The following FRMD4A variants were observed in gnomAD, a reference collection of about 807,000 sequenced individuals.
The protein encoded by FRMD4A is FERM domain containing 4A.
Under a neutral mutation model 129.1 loss-of-function variants are expected in FRMD4A, and 29 were observed. That is an observed-to-expected ratio of 0.22 (90% CI 0.17 to 0.31). The LOEUF (loss-of-function observed/expected upper bound fraction) is 0.31. FRMD4A is among the 10% of genes least tolerant of loss of function. FRMD4A has a pLI of 1.00. For missense variants in FRMD4A, 1,272 were observed against 1,375.8 expected, an observed-to-expected ratio of 0.92 and a Z score of 1.19; for synonymous variants, 634 against 571.6, an observed-to-expected ratio of 1.11 and a Z score of -1.56.
chr10:13,819,696 C>T (rs926258470), intron 3 of FRMD4A, among the ~76,000 whole-genome samples: 10 of 145,292 alleles, frequency 6.9e-5, no homozygotes, highest in Non-Finnish European at 1.2e-4. Context: ...ATTATATTGT[C>T]TCCTTTTTTT....
At chr10:14,292,242 G>A (rs1009873434) in intron 2 of FRMD4A, among the ~76,000 whole-genome samples, 6 of 152,200 alleles carry the variant, frequency 3.9e-5, no homozygotes, top group African/African-American at 1.2e-4. Context: ...CAGATCTCAT[G>A]CATTTTATGA....
intron 2 of FRMD4A, among the ~76,000 whole-genome samples, chr10:14,081,627 A>G (rs1386327538): frequency 6.6e-6 from 1 of 152,222 alleles, no homozygotes; most frequent in African/African-American, 2.4e-5. Context: ...ATCATCCAAT[A>G]ATCATAATAA....
At chr10:13,738,883 A>C (rs551364590) in intron 11 of FRMD4A, among the ~76,000 whole-genome samples, 131 of 152,294 alleles carry the variant, frequency 8.6e-4, no homozygotes, top group African/African-American at 3.1e-3. Context: ...GGCCTCCCAA[A>C]GTGCTGGGAT....
intron 12 of FRMD4A, 176 bp from the exon 13 acceptor site, chr10:13,707,289 G>C: frequency 1.2e-6 from 1 of 861,814 alleles, no homozygotes; most frequent in Non-Finnish European, 1.6e-6. Flanking sequence ...CACACACGCA[G>C]CTCTCCAGTT....
chr10:14,029,439 C>T (rs1413428750), intron 2 of FRMD4A, among the ~76,000 whole-genome samples: 1 of 151,984 alleles, frequency 6.6e-6, no homozygotes, highest in Non-Finnish European at 1.5e-5. Flanking sequence ...AGGTTCTTGC[C>T]TCAACTAGAT....
At chr10:13,685,589 A>G (rs1283391514) in intron 15 of FRMD4A, 1 of 982,060 alleles carries the variant, frequency 1.0e-6, no homozygotes, top group East Asian at 1.1e-4. Flanking sequence ...CTCCCAGCAA[A>G]GGAGCACTGC....
intron 2 of FRMD4A, among the ~76,000 whole-genome samples, chr10:13,994,801 G>A (rs150153897): frequency 2.6e-5 from 4 of 152,242 alleles, no homozygotes; most frequent in African/African-American, 7.2e-5. Flanking sequence ...TGGTTTTCCC[G>A]TGGCACAGCT....
intron 2 of FRMD4A, among the ~76,000 whole-genome samples, chr10:14,328,391 GC>G (rs1329402885): frequency 7.1e-6 from 1 of 140,604 alleles, no homozygotes; most frequent in Admixed American, 7.1e-5. Flanking sequence ...GTGTATAACA[GC>G]AGAAATGGAT....
intron 2 of FRMD4A, among the ~76,000 whole-genome samples, chr10:14,195,289 G>C (rs1291232209): frequency 6.6e-6 from 1 of 152,130 alleles, no homozygotes; most frequent in East Asian, 1.9e-4. Context: ...GCAAGAACCA[G>C]AAACCGAAGC....
chr10:14,100,827 G>A (rs1338221414), intron 2 of FRMD4A, among the ~76,000 whole-genome samples: 2 of 151,996 alleles, frequency 1.3e-5, no homozygotes, highest in Non-Finnish European at 2.9e-5. Flanking sequence ...AATATCTAAG[G>A]GAAAATCAAT....
chr10:13,997,286 A>C (rs187494077), intron 2 of FRMD4A, among the ~76,000 whole-genome samples: 1 of 151,828 alleles, frequency 6.6e-6, no homozygotes, highest in African/African-American at 2.4e-5. Context: ...GAGAAAACTC[A>C]CTCTTGGCCT....
At chr10:14,155,044 A>G (rs1173781214) in intron 2 of FRMD4A, among the ~76,000 whole-genome samples, 1 of 152,222 alleles carries the variant, frequency 6.6e-6, no homozygotes, top group Non-Finnish European at 1.5e-5. Context: ...TCATCCCAGC[A>G]CTTTGGGGAG....
In FRMD4A at chr10:13,707,065, ACTT is replaced by A. The variant is rs778271676; in HGVS notation, c.805_807del (p.Lys269del). 1 of 1,594,602 alleles carries A rather than the reference ACTT, an allele frequency of 6.3e-7. No individual in the cohort carries two copies. The highest frequency in any genetic ancestry group is 8.6e-7 in the Non-Finnish European group (1 of 1,162,322). ...CGTGGGTCATGAACTTCCACGGAAA[ACTT>A]CTTTTCTCTGAAGTACAGGTTTTCC... On this transcript the variant is annotated inframe_deletion, in exon 13 of 25. Coordinates refer to ENST00000357447, the MANE Select transcript of FRMD4A (RefSeq NM_018027.5).
chr10:13,890,935 G>C (rs988980421), intron 2 of FRMD4A: 1 of 850,650 alleles, frequency 1.2e-6, no homozygotes, highest in Non-Finnish European at 1.4e-6. Flanking sequence ...CAGGGTACTG[G>C]AGAAAAAGGC....
intron 12 of FRMD4A, among the ~76,000 whole-genome samples, chr10:13,725,761 G>A (rs530845441): frequency 2.0e-5 from 3 of 152,326 alleles, no homozygotes; most frequent in African/African-American, 4.8e-5. Context: ...ACAAAGAGAC[G>A]TTGTTTGCTT....
chr10:14,031,021 T>G (rs576001933), intron 2 of FRMD4A, among the ~76,000 whole-genome samples: 1 of 152,238 alleles, frequency 6.6e-6, no homozygotes, highest in African/African-American at 2.4e-5. Context: ...ACCCTGAACT[T>G]ATGATGGGGT....
At chr10:14,020,445 A>G (rs184128023) in intron 2 of FRMD4A, among the ~76,000 whole-genome samples, 1 of 152,318 alleles carries the variant, frequency 6.6e-6, no homozygotes, top group Admixed American at 6.5e-5. Flanking sequence ...CTATAGAGGA[A>G]ACCCAAGGCT....
intron 2 of FRMD4A, among the ~76,000 whole-genome samples, chr10:14,156,097 T>C (rs976431975): frequency 1.3e-5 from 2 of 152,206 alleles, no homozygotes; most frequent in Non-Finnish European, 2.9e-5. Context: ...GTCATAGCAG[T>C]ATTGTTTGTA....
At chr10:14,242,591 A>C (rs533267901) in intron 2 of FRMD4A, among the ~76,000 whole-genome samples, 2 of 152,364 alleles carry the variant, frequency 1.3e-5, no homozygotes, top group African/African-American at 4.8e-5. Context: ...CTATGCCTCT[A>C]GTGCATGACC....
Sources: gnomAD v4.1 joint callset for allele counts (sites outside exome capture counted in the v4.1 genomes callset) on GRCh38, gnomAD v4.1.1 for gene constraint, MANE v1.5 for transcripts, NCBI Gene and HGNC (gene_info 2026-07-23, HGNC 2026-07-21) for gene names.